WDR59: variants seen among roughly 807,000 people sequenced by gnomAD.
WDR59 encodes GATOR2 complex protein WDR59.
In WDR59, 100 loss-of-function variants were observed where a neutral mutation model predicts 131.2. The observed-to-expected ratio is 0.76, with a 90% CI of 0.65 to 0.90. The LOEUF (loss-of-function observed/expected upper bound fraction) is 0.90. Among genes scored for constraint, WDR59 ranks in the 40% least tolerant of loss-of-function variants. The probability of loss-of-function intolerance (pLI) is 0.00; values close to 1 mark genes in which losing one functional copy is unlikely to be tolerated. For synonymous variants in WDR59, 601 were observed against 466.2 expected (o/e 1.29, Z -3.72); for missense variants, 1,203 against 1,262.2 (o/e 0.95, Z 0.71).
chr16:74,935,085 C>T (rs1437003886), intron 8 of WDR59, among the ~76,000 whole-genome samples: 1 of 151,944 alleles, frequency 6.6e-6, no homozygotes. Context: ...AAAAATTAGC[C>T]TGGCATGTTG....
Position 74,924,529 on chromosome 16 carries a change from G to C in WDR59, c.652-526C>G, listed in dbSNP as rs557972430. Among the ~76,000 whole-genome samples, 22 of 152,278 alleles carry C rather than the reference G, an allele frequency of 1.4e-4. No homozygotes were observed. The South Asian group carries it at 2.7e-3, about 19-fold the overall frequency. On this transcript the variant is annotated intron_variant, in intron 8 of 25. Transcript: ENST00000262144. ...AAAAAGGCAGCTGTGTGAAAACCTA[G>C]GAGCCAATCCATTCAAGTCCACACC...
intron 16 of WDR59, 76 bp from the exon 17 acceptor site, chr16:74,909,053 G>A (rs1012745870): frequency 1.3e-5 from 17 of 1,274,782 alleles, no homozygotes; most frequent in African/African-American, 4.4e-5. Context: ...GGACTGGCCA[G>A]TCTTTCTTCT....
At chr16:74,896,559 C>T (rs908621441) in intron 18 of WDR59, among the ~76,000 whole-genome samples, 7 of 151,536 alleles carry the variant, frequency 4.6e-5, no homozygotes, top group East Asian at 1.9e-4. Flanking sequence ...TGCTTGAACC[C>T]GGGAGGCAGA....
At chr16:74,961,355 C>T (rs962921319) in intron 2 of WDR59, among the ~76,000 whole-genome samples, 24 of 152,260 alleles carry the variant, frequency 1.6e-4, no homozygotes, top group African/African-American at 5.8e-4. Flanking sequence ...AGTTCTAGGT[C>T]TTTCAAGAAT....
At chr16:74,943,946 G>T (rs1352081422) in intron 6 of WDR59, among the ~76,000 whole-genome samples, 2 of 152,186 alleles carry the variant, frequency 1.3e-5, no homozygotes, top group African/African-American at 4.8e-5. Context: ...AACAAATGGT[G>T]GAGACCAGTG....
At chr16:74,889,602 T>C (rs1403863576) in intron 21 of WDR59, 101 bp downstream of exon 21, 5 of 858,016 alleles carry the variant, frequency 5.8e-6, no homozygotes, top group Non-Finnish European at 9.3e-6. Context: ...CTTTCATTCC[T>C]CGGGCCTCTG....
At chr16:74,878,606 TC>T (rs1342395950) in intron 25 of WDR59, among the ~76,000 whole-genome samples, 3 of 152,082 alleles carry the variant, frequency 2.0e-5, no homozygotes, top group African/African-American at 7.2e-5. Context: ...AGACTGTACC[TC>T]TGCACTCCAG....
chr16:74,930,603 A>T (rs1031772866), intron 8 of WDR59, among the ~76,000 whole-genome samples: 1 of 152,092 alleles, frequency 6.6e-6, no homozygotes, highest in Non-Finnish European at 1.5e-5. Flanking sequence ...AAACACAGAA[A>T]AAAGTTCTGC....
chr16:74,952,126 G>A (rs958759192), intron 3 of WDR59, among the ~76,000 whole-genome samples: 2 of 152,032 alleles, frequency 1.3e-5, no homozygotes, highest in Middle Eastern at 6.8e-3. Flanking sequence ...ATCACAACTG[G>A]GTCCCGTGTC....
chr16:74,975,801 T>C (rs2034157102), intron 1 of WDR59, among the ~76,000 whole-genome samples: 1 of 152,060 alleles, frequency 6.6e-6, no homozygotes, highest in Non-Finnish European at 1.5e-5. Flanking sequence ...CACGAAATCC[T>C]TAACGTCTTT....
intron 2 of WDR59, among the ~76,000 whole-genome samples, chr16:74,964,038 A>T (rs1408690396): frequency 6.6e-6 from 1 of 152,118 alleles, no homozygotes; most frequent in African/African-American, 2.4e-5. Context: ...AAAAAAAAGA[A>T]AAAAAGAAAG....
chr16:74,906,313 C>CAAAAAAAAAAAAAAAAAAAAAA lies in WDR59; in HGVS notation c.1713-2214_1713-2213insTTTTTTTTTTTTTTTTTTTTTT, dbSNP rs762288713. Among the ~76,000 whole-genome samples the CAAAAAAAAAAAAAAAAAAAAAA allele has an allele frequency of 2.3e-3, 74 of 32,456 alleles. 12 individuals are homozygous for CAAAAAAAAAAAAAAAAAAAAAA. Among genetic ancestry groups the CAAAAAAAAAAAAAAAAAAAAAA allele is most frequent in the African/African-American group, 5.4e-3 (48 of 8,896 alleles). The allele number at this position is 32,456 out of a possible 152,430, so 21.3% of individuals were successfully genotyped here. On this transcript the variant is annotated intron_variant, in intron 17 of 25. Transcript: ENST00000262144. ...TGAGCGACAGAGCAAGACTCCGTCT[C>CAAAAAAAAAAAAAAAAAAAAAA]AAAAAAAAAAAAACCCACAGTGAGA... is the stretch of plus-strand genomic sequence containing the variant.
intron 18 of WDR59, among the ~76,000 whole-genome samples, chr16:74,898,626 T>A (rs1236186254): frequency 6.6e-6 from 1 of 152,222 alleles, no homozygotes; most frequent in African/African-American, 2.4e-5. Flanking sequence ...AGCTTGCGAC[T>A]GTACCACCAG....
rs939967664 is a variant in WDR59 at position 74,892,643 on chromosome 16, G to A, written c.2001-78C>T. ...TCAACGACTCCCAGTTTAACAGACAGATGAGAACCTGACTCTTTGGTTATC... is the reference window on the plus strand; with the variant it reads ...TCAACGACTCCCAGTTTAACAGACAAATGAGAACCTGACTCTTTGGTTATC... On this transcript the variant is annotated intron_variant, in intron 19 of 25. Coordinates refer to ENST00000262144, the MANE Select transcript of WDR59 (RefSeq NM_030581.4). The A allele has an allele frequency of 1.1e-5, 13 of 1,180,086 alleles. No homozygotes were observed. The Admixed American group carries it at 1.1e-4, about 10-fold the overall frequency. 73.1% of individuals were successfully genotyped at this position (1,180,086 alleles called of 1,614,324 possible). A position where few individuals can be genotyped will look rare whatever the true frequency, so the allele number is the denominator to read the frequency against.
intron 25 of WDR59, among the ~76,000 whole-genome samples, chr16:74,879,805 T>C (rs1227713380): frequency 3.9e-5 from 6 of 152,320 alleles, no homozygotes; most frequent in South Asian, 2.1e-4. Context: ...ATATGTTGAT[T>C]AACCTCATCT....
Position 74,893,856 on chromosome 16 carries a change from G to A in WDR59, c.1867-44C>T, listed in dbSNP as rs1189667208. 2.5e-6 allele frequency: 4 copies of A among 1,604,006 alleles called. No individual in the cohort carries two copies. The Admixed American group carries it at 6.7e-5, about 27-fold the overall frequency. Reference sequence around the variant, plus strand: ...ATGTAACTAATGGGGACTTTGACAAGTGGAAACCAACAATTGCAGAGCTCA... The same window carrying A: ...ATGTAACTAATGGGGACTTTGACAAATGGAAACCAACAATTGCAGAGCTCA... On this transcript the variant is annotated intron_variant, in intron 18 of 25. Transcript: ENST00000262144.
At chr16:74,894,634 G>T (rs1220736540) in intron 18 of WDR59, among the ~76,000 whole-genome samples, 1 of 152,148 alleles carries the variant, frequency 6.6e-6, no homozygotes, top group African/African-American at 2.4e-5. Flanking sequence ...AACTAAGGAA[G>T]GAGTGACATA....
At chr16:74,922,198 A>G in intron 9 of WDR59, 95 bp from the exon 10 acceptor site, 2 of 1,485,870 alleles carry the variant, frequency 1.3e-6, no homozygotes, top group South Asian at 1.3e-5. Flanking sequence ...CCTAAGTAAA[A>G]TAAATTAGAT....
intron 18 of WDR59, among the ~76,000 whole-genome samples, chr16:74,901,573 T>C (rs745559288): frequency 2.7e-5 from 4 of 150,250 alleles, no homozygotes; most frequent in Non-Finnish European, 4.4e-5. Flanking sequence ...AGCCCAGGAG[T>C]CTGAGGTTGC....
Sources: allele counts gnomAD v4.1 joint callset (sites outside exome capture counted in the v4.1 genomes callset), GRCh38; gene constraint gnomAD v4.1.1; transcripts MANE v1.5; gene names NCBI Gene and HGNC (gene_info 2026-07-23, HGNC 2026-07-21).